Variants in SSBP2 observed in about 807,000 individuals in gnomAD.
The protein encoded by SSBP2 is single-stranded DNA-binding protein 2.
Under a neutral mutation model 61.8 loss-of-function variants are expected in SSBP2, and 17 were observed. The observed-to-expected ratio is 0.28, with a 90% confidence interval of 0.19 to 0.41. The LOEUF is 0.41. Ranked by LOEUF, SSBP2 falls within the 10% of genes least tolerant of loss-of-function variation. SSBP2 has a pLI of 1.00. For synonymous variants in SSBP2, 139 were observed against 141.3 expected (o/e 0.98, Z 0.12); for missense variants, 310 against 458.7 (o/e 0.68, Z 2.96).
At chr5:81,695,228 T>C (rs997461950) in intron 1 of SSBP2, among the ~76,000 whole-genome samples, 1 of 152,198 alleles carries the variant, frequency 6.6e-6, no homozygotes, top group East Asian at 1.9e-4. Flanking sequence ...GTATCTGCAA[T>C]GTTTGTACTT....
At chr5:81,708,097 C>A (rs960370822) in intron 1 of SSBP2, among the ~76,000 whole-genome samples, 1 of 152,038 alleles carries the variant, frequency 6.6e-6, no homozygotes, top group African/African-American at 2.4e-5. Flanking sequence ...AAAACTATAA[C>A]CCCCCGCTAA....
chr5:81,638,490 T>G (rs1406999517), intron 2 of SSBP2, among the ~76,000 whole-genome samples: 2 of 150,184 alleles, frequency 1.3e-5, no homozygotes, highest in Non-Finnish European at 3.0e-5. Context: ...ACCACTGCAC[T>G]CCAGCCTGAC....
At chr5:81,738,187 A>G (rs1274918257) in intron 1 of SSBP2, among the ~76,000 whole-genome samples, 1 of 152,204 alleles carries the variant, frequency 6.6e-6, no homozygotes, top group African/African-American at 2.4e-5. Context: ...TGAAGCTTCC[A>G]GAGTGCTGGT....
intron 10 of SSBP2, 88 bp from the exon 11 acceptor site, chr5:81,448,913 C>G: frequency 2.7e-6 from 3 of 1,124,556 alleles, no homozygotes; most frequent in Non-Finnish European, 3.9e-6. Context: ...GATTTTTTGT[C>G]AAGTTTTAAA....
Position 81,636,497 on chromosome 5 carries a change from T to C in SSBP2, c.197+60A>G, listed in dbSNP as rs1035252382. On this transcript the variant is annotated intron_variant, in intron 3 of 16. Coordinates refer to ENST00000320672, the MANE Select transcript of SSBP2 (RefSeq NM_012446.5). Reference sequence around the variant, plus strand: ...GGAAGCATGAAATCATAAACAGGTATAGTACAGGCCTATTGAAATGCATCA... The same window carrying C: ...GGAAGCATGAAATCATAAACAGGTACAGTACAGGCCTATTGAAATGCATCA... The C allele has an allele frequency of 8.6e-6, 11 of 1,277,714 alleles. No individual in the cohort carries two copies. In the East Asian group the frequency reaches 1.2e-4, roughly 14 times the overall value. The allele number at this position is 1,277,714 out of a possible 1,614,324, so 79.1% of individuals were successfully genotyped here. A position where few individuals can be genotyped will look rare whatever the true frequency, so the allele number is the denominator to read the frequency against.
chr5:81,543,738 A>G (rs533911358), intron 4 of SSBP2, among the ~76,000 whole-genome samples: 4 of 152,338 alleles, frequency 2.6e-5, no homozygotes, highest in Admixed American at 1.3e-4. Flanking sequence ...TATATCCTAC[A>G]AATAGTAGGC....
At position 81,650,202 on chromosome 5, in the gene SSBP2, T is replaced by C. The variant is rs1749606929; in HGVS notation, c.135+65A>G. 5.3e-6 allele frequency: 6 copies of C among 1,140,388 alleles called. No homozygotes were observed. In the South Asian group the frequency reaches 8.8e-5, roughly 17 times the overall value. 70.6% of individuals were successfully genotyped at this position (1,140,388 alleles called of 1,614,324 possible). On this transcript the variant is annotated intron_variant, in intron 2 of 16. Coordinates refer to ENST00000320672, the MANE Select transcript of SSBP2 (RefSeq NM_012446.5). ...TAACAAACTTTTTTCAAATAATTAT[T>C]ATAGTGTGTTTTCCATTCATTTATA...
In SSBP2 at chr5:81,738,810, A is replaced by G. The variant is rs528861849; in HGVS notation, c.62+12171T>C. Among the ~76,000 whole-genome samples, 9 of 152,260 alleles carry G rather than the reference A, an allele frequency of 5.9e-5. No homozygotes were observed. In the East Asian group the frequency reaches 1.2e-3, roughly 20 times the overall value. On this transcript the variant is annotated intron_variant, in intron 1 of 16. Transcript: ENST00000320672. ...CCTCCCCCTTTACTCCATGCTCCAT[A>G]TGATTTCCAAAACGATTCTTCTAAA...
chr5:81,453,456 CTTTTTTTTTT>C (rs34761912), intron 10 of SSBP2, among the ~76,000 whole-genome samples: 3 of 112,142 alleles, frequency 2.7e-5, no homozygotes, highest in Non-Finnish European at 5.2e-5. Context: ...TGGGTTTATT[CTTTTTTTTTT>C]TTTTTTTTTT....
At chr5:81,617,940 C>T (rs1162362368) in intron 3 of SSBP2, among the ~76,000 whole-genome samples, 1 of 136,666 alleles carries the variant, frequency 7.3e-6, no homozygotes, top group Admixed American at 7.4e-5. Context: ...CCTAAAAGAG[C>T]TCCTGAAGCA....
chr5:81,449,771 C>G (rs1260479886), intron 10 of SSBP2, among the ~76,000 whole-genome samples: 1 of 152,014 alleles, frequency 6.6e-6, no homozygotes, highest in Non-Finnish European at 1.5e-5. Context: ...ATTTGAAAAG[C>G]TTTTCTCCTT....
rs766994399 is a variant in SSBP2, at chr5:81,415,922, A to AAAAAAAAAAAAAAGAAAAGAAAAG, written c.*4581_*4582insCTTTTCTTTTCTTTTTTTTTTTTT. 2 of 73,752 alleles carry AAAAAAAAAAAAAAGAAAAGAAAAG rather than the reference A, an allele frequency of 2.7e-5. No homozygotes were observed. The highest frequency in any genetic ancestry group is 4.6e-5 in the Non-Finnish European group (2 of 43,584). The allele number at this position is 73,752 out of a possible 1,614,324, so 4.6% of individuals were successfully genotyped here. ...GCAAGATTCTGACTCAAAAAAAAAA[A>AAAAAAAAAAAAAAGAAAAGAAAAG]AAAAAAAGAGGAAAACCTGATCAAG... is the stretch of plus-strand genomic sequence containing the variant. On this transcript the variant is annotated 3_prime_UTR_variant, in exon 17 of 17. Coordinates refer to ENST00000320672, the MANE Select transcript of SSBP2 (RefSeq NM_012446.5).
intron 1 of SSBP2, among the ~76,000 whole-genome samples, chr5:81,662,033 G>A (rs1329098906): frequency 6.6e-6 from 1 of 152,142 alleles, no homozygotes; most frequent in African/African-American, 2.4e-5. Context: ...TATGAGATGA[G>A]GGTCTAATTT....
intron 1 of SSBP2, among the ~76,000 whole-genome samples, chr5:81,713,401 T>C (rs1754936948): frequency 1.3e-5 from 2 of 151,868 alleles, no homozygotes; most frequent in African/African-American, 4.8e-5. Flanking sequence ...ATGGTCTTAT[T>C]ATTACTAAAA....
At chr5:81,424,288 G>A (rs1460081780) in intron 16 of SSBP2, among the ~76,000 whole-genome samples, 1 of 152,084 alleles carries the variant, frequency 6.6e-6, no homozygotes. Context: ...GCCAGGCATG[G>A]TGGCACACGC....
At chr5:81,433,108 A>G (rs1040197186) in intron 15 of SSBP2, among the ~76,000 whole-genome samples, 2 of 151,960 alleles carry the variant, frequency 1.3e-5, no homozygotes, top group Non-Finnish European at 2.9e-5. Context: ...TGGGAGGTGT[A>G]CCCAACAGCT....
chr5:81,464,604 G>C (rs972946290), intron 9 of SSBP2, among the ~76,000 whole-genome samples: 3 of 152,004 alleles, frequency 2.0e-5, no homozygotes, highest in African/African-American at 7.2e-5. Flanking sequence ...TAGTGACCAG[G>C]GTTGGGAATT....
intron 1 of SSBP2, among the ~76,000 whole-genome samples, chr5:81,687,869 T>C (rs376871725): frequency 6.6e-6 from 1 of 152,184 alleles, no homozygotes; most frequent in African/African-American, 2.4e-5. Context: ...CAGTACTTGC[T>C]ATGGGTCTTG....
intron 4 of SSBP2, among the ~76,000 whole-genome samples, chr5:81,538,780 A>T (rs1037596105): frequency 2.6e-5 from 4 of 152,186 alleles, no homozygotes; most frequent in Non-Finnish European, 5.9e-5. Flanking sequence ...GGGTGACAGC[A>T]CATCTGTTCA....
Sources: gnomAD v4.1 joint callset for allele counts (sites outside exome capture counted in the v4.1 genomes callset) on GRCh38, gnomAD v4.1.1 for gene constraint, MANE v1.5 for transcripts, NCBI Gene and HGNC (gene_info 2026-07-23, HGNC 2026-07-21) for gene names.